The following KCTD17 variants were observed in gnomAD, a reference collection of about 807,000 sequenced individuals.
KCTD17 encodes potassium channel tetramerization domain containing 17.
A neutral mutation model predicts 41.5 loss-of-function variants in KCTD17; 20 were observed. That is an observed-to-expected ratio of 0.48 (90% CI 0.34 to 0.70). The LOEUF (loss-of-function observed/expected upper bound fraction) is 0.70, where lower values mean the gene tolerates loss of function less well. Ranked by LOEUF, KCTD17 falls within the 30% of genes least tolerant of loss-of-function variation. The pLI is 0.01. For synonymous variants in KCTD17, 156 were observed against 173.8 expected (o/e 0.90, Z 0.80); for missense variants, 317 against 427.2 (o/e 0.74, Z 2.27).
Position 37,061,163 on chromosome 22 carries a change from C to A in KCTD17, c.772C>A (p.Leu258Ile), listed in dbSNP as rs1426975628. 3 of 1,550,858 alleles carry A rather than the reference C, an allele frequency of 1.9e-6. No individual in the cohort carries two copies. Among genetic ancestry groups the A allele is most frequent in the Non-Finnish European group, 1.7e-6 (2 of 1,146,678 alleles). The change falls in exon 7 of 9, where the codon CTT becomes ATT. Residue 258 changes from leucine (L) to isoleucine (I), a missense_variant. Leu to Ile is a conservative substitution (Grantham distance 5, BLOSUM62 2). Coordinates refer to ENST00000403888, the MANE Select transcript of KCTD17 (RefSeq NM_001282684.2). The surrounding 1 kb of genome is among the most constrained non-coding windows in gnomAD (Gnocchi z 6.6). ...FSLPPLPPPP[L>I]PAGGSRPHPL... Reference sequence around the variant, plus strand: ...CCTCCCACCACTGCCTCCTCCTCCGCTTCCCGCTGGAGGTCCTGCCTCATC... The same window carrying A: ...CCTCCCACCACTGCCTCCTCCTCCGATTCCCGCTGGAGGTCCTGCCTCATC...
chr22:37,062,846 T>G lies in KCTD17; in HGVS notation c.*252T>G. On this transcript the variant is annotated 3_prime_UTR_variant, in exon 9 of 9. Transcript: ENST00000403888. ...GGCACCTGCGTCCCCTCTCCCGGGC[T>G]CCCCTGCTGCATGGTGGATGTGCTC... 9 of 716,280 alleles carry G rather than the reference T, an allele frequency of 1.3e-5. No homozygotes were observed. Among genetic ancestry groups the G allele is most frequent in the Admixed American group, 3.2e-5 (1 of 31,692 alleles). 44.4% of individuals were successfully genotyped at this position (716,280 alleles called of 1,614,324 possible). A position where few individuals can be genotyped will look rare whatever the true frequency, so the allele number is the denominator to read the frequency against.
intron 1 of KCTD17, chr22:37,052,192 CG>C (rs1924572668): frequency 2.1e-6 from 1 of 485,264 alleles, no homozygotes; most frequent in East Asian, 3.6e-5. Flanking sequence ...CCAGCCGCCC[CG>C]GATCGGGGCC....
chr22:37,051,858 C>T lies in KCTD17; in HGVS notation c.98C>T (p.Thr33Met). ...TGGGTGCGGCTCAACGTGGGGGGCA[C>T]GGTGTTCCTGACCACCCGGCAGACG... is the stretch of plus-strand genomic sequence containing the variant. ...GKWVRLNVGG[T>M]VFLTTRQTLC... is the part of the protein sequence containing the mutation. Residue 33 changes from threonine (T) to methionine (M), a missense_variant, in exon 1 of 9, where the codon ACG (threonine) becomes ATG (methionine). By Grantham distance (81) the Thr-to-Met change is moderately conservative. Around this residue, in one of 4 missense-constraint regions of KCTD17, gnomAD observed 99 missense variants for 166.5 expected, o/e 0.59. Coordinates refer to ENST00000403888, the MANE Select transcript of KCTD17 (RefSeq NM_001282684.2). The T allele has an allele frequency of 3.4e-6, 5 of 1,476,090 alleles. No homozygotes were observed. Among genetic ancestry groups the T allele is most frequent in the Non-Finnish European group, 3.6e-6 (4 of 1,113,270 alleles). 91.4% of individuals were successfully genotyped at this position (1,476,090 alleles called of 1,614,324 possible). A position where few individuals can be genotyped will look rare whatever the true frequency, so the allele number is the denominator to read the frequency against.
chr22:37,052,360 G>A (rs1924593550), intron 1 of KCTD17: 4 of 370,366 alleles, frequency 1.1e-5, no homozygotes, highest in Admixed American at 9.8e-5. Flanking sequence ...CTGGATGGAG[G>A]AGCCCTGGGG....
Position 37,051,800 on chromosome 22 carries a change from GC to G in KCTD17, c.41del (p.Ala14GlyfsTer23). The G allele has an allele frequency of 7.9e-7, 1 of 1,263,422 alleles. No homozygotes were observed. The highest frequency in any genetic ancestry group is 9.9e-7 in the Non-Finnish European group (1 of 1,005,380). 78.3% of individuals were successfully genotyped at this position (1,263,422 alleles called of 1,614,324 possible). On this transcript the variant is annotated frameshift_variant, in exon 1 of 9. Transcript: ENST00000403888. LOFTEE classifies it high-confidence loss of function. Reference protein sequence around the residue: ...EAGEAAPPAGAGGRAAGGWGK... With the variant: ...EAGEAAPPAGXGGRAAGGWGK... ...CGGGGAGGCAGCGCCGCCGGCGGGG[GC>G]GGGCGGCCGCGCCGCAGGCGGCTGG...
At chr22:37,054,011 G>A (rs1304273142) in intron 2 of KCTD17, among the ~76,000 whole-genome samples, 1 of 152,192 alleles carries the variant, frequency 6.6e-6, no homozygotes, top group Non-Finnish European at 1.5e-5. Context: ...TTCAATGGGG[G>A]CGGTGATCTG....
intron 4 of KCTD17, 113 bp from the exon 5 acceptor site, chr22:37,059,200 G>T (rs6000545): frequency 6.8e-7 from 1 of 1,472,744 alleles, no homozygotes; most frequent in Non-Finnish European, 9.3e-7. Context: ...CCGACAAGCC[G>T]CAAGATTAGG....
In KCTD17 at chr22:37,053,167, G is replaced by A. The variant is rs1333190244; in HGVS notation, c.257G>A (p.Arg86Gln). ...TYFGPILNFLRHGKLVLDKDM... is the reference protein window; with the variant it reads ...TYFGPILNFLQHGKLVLDKDM... Reference sequence around the variant, plus strand: ...TTCGGGCCCATCCTGAACTTCCTCCGGCATGGCAAGCTGGTGCTGGACAAG... The same window carrying A: ...TTCGGGCCCATCCTGAACTTCCTCCAGCATGGCAAGCTGGTGCTGGACAAG... The change falls in exon 2 of 9, where the codon CGG (arginine) becomes CAG (glutamine). Residue 86 changes from arginine (R) to glutamine (Q), a missense_variant. By Grantham distance (43) the Arg-to-Gln change is conservative. Around this residue, in one of 4 missense-constraint regions of KCTD17, gnomAD observed 99 missense variants for 166.5 expected, o/e 0.59. Transcript: ENST00000403888. This position sits in a 1 kb window ranked among gnomAD's most constrained non-coding sequence, Gnocchi z 4.1. 5.0e-6 allele frequency: 8 copies of A among 1,606,190 alleles called. No homozygotes were observed. The highest frequency in any genetic ancestry group is 3.4e-5 in the Admixed American group (2 of 59,096).
At chr22:37,062,276 T>TG (rs1925881678) in intron 8 of KCTD17, 1 of 984,800 alleles carries the variant, frequency 1.0e-6, no homozygotes. Flanking sequence ...AGACGGGGCA[T>TG]GGGGCTCCTG....
intron 4 of KCTD17, among the ~76,000 whole-genome samples, chr22:37,058,741 G>A (rs574092484): frequency 9.2e-5 from 14 of 152,342 alleles, no homozygotes; most frequent in African/African-American, 3.4e-4. Flanking sequence ...GCCACTCTGA[G>A]AGCCTCTGGG....
chr22:37,056,858 G>A (rs566351841), intron 3 of KCTD17, among the ~76,000 whole-genome samples: 56 of 152,272 alleles, frequency 3.7e-4, no homozygotes, highest in Non-Finnish European at 7.2e-4. Flanking sequence ...TGGGGCTGGC[G>A]TTTGTGACCT....
intron 1 of KCTD17, chr22:37,052,437 CCTGACTCTG>C (rs1421407453): frequency 2.3e-6 from 1 of 438,114 alleles, no homozygotes; most frequent in Non-Finnish European, 4.7e-6. Flanking sequence ...GAGCACCCAC[CCTGACTCTG>C]CTGCACACTG....
Position 37,062,948 on chromosome 22 carries a change from G to T in KCTD17, c.*354G>T, listed in dbSNP as rs1366230874. ...CCTCCCACCCCACCTACCTCACAGG[G>T]TTGTTGTGAGGGTGCACAGAGGAGC... On this transcript the variant is annotated 3_prime_UTR_variant, in exon 9 of 9. Coordinates refer to ENST00000403888, the MANE Select transcript of KCTD17 (RefSeq NM_001282684.2). The T allele has an allele frequency of 1.3e-5, 4 of 314,404 alleles. 1 individual carries two copies. In the South Asian group the frequency reaches 1.4e-4, roughly 11 times the overall value. The allele number at this position is 314,404 out of a possible 1,614,324, so 19.5% of individuals were successfully genotyped here. A position where few individuals can be genotyped will look rare whatever the true frequency, so the allele number is the denominator to read the frequency against.
Position 37,051,822 on chromosome 22 carries a change from G to T in KCTD17, c.62G>T (p.Gly21Val). The change falls in exon 1 of 9, where the codon GGC becomes GTC. Residue 21 changes from glycine (G) to valine (V), a missense_variant. By Grantham distance (109) the Gly-to-Val change is moderately radical. This residue lies in a region of KCTD17 where 99 missense variants were observed against 166.5 expected (regional missense o/e 0.59). Coordinates refer to ENST00000403888, the MANE Select transcript of KCTD17 (RefSeq NM_001282684.2). ...GGGGCGGGCGGCCGCGCCGCAGGCG[G>T]CTGGGGCAAGTGGGTGCGGCTCAAC... ...PAGAGGRAAG[G>V]WGKWVRLNVG... 1.5e-6 allele frequency: 2 copies of T among 1,336,294 alleles called. No individual in the cohort carries two copies. The highest frequency in any genetic ancestry group is 1.9e-6 in the Non-Finnish European group (2 of 1,039,522). The allele number at this position is 1,336,294 out of a possible 1,614,324, so 82.8% of individuals were successfully genotyped here. A position where few individuals can be genotyped will look rare whatever the true frequency, so the allele number is the denominator to read the frequency against.
chr22:37,054,564 A>T (rs1009677251), intron 2 of KCTD17, among the ~76,000 whole-genome samples: 3 of 152,032 alleles, frequency 2.0e-5, no homozygotes, highest in Non-Finnish European at 2.9e-5. Flanking sequence ...GGGATAGGGG[A>T]TCTGAGAGGA....
In KCTD17 at chr22:37,057,412, C is replaced by T. The variant is rs710185; in HGVS notation, c.405C>T (p.His135=). Residue 135 remains histidine (H), a synonymous_variant, in exon 4 of 9, where the codon CAC becomes CAT. Coordinates refer to ENST00000403888, the MANE Select transcript of KCTD17 (RefSeq NM_001282684.2). Reference sequence around the variant, plus strand: ...TCTGCCCACAGGTCCCACCCAAGCACGTGTACCGCGTGCTGCAGTGCCAGG... The same window carrying T: ...TCTGCCCACAGGTCCCACCCAAGCATGTGTACCGCGTGCTGCAGTGCCAGG... ...DYTVTQVPPK[H]VYRVLQCQEE... 0.86 allele frequency: 1,388,229 copies of T among 1,612,990 alleles called. 599,735 individuals are homozygous for T. The highest frequency in any genetic ancestry group is 1 in the East Asian group (44,791 of 44,868).
chr22:37,052,075 CG>C (rs1445043788), intron 1 of KCTD17, 126 bp downstream of exon 1: 1 of 648,388 alleles, frequency 1.5e-6, no homozygotes, highest in African/African-American at 2.0e-5. Context: ...GAACTGGAGG[CG>C]GGAAGAAGCG....
chr22:37,062,100 C>G (rs2146000958), intron 8 of KCTD17: 1 of 981,694 alleles, frequency 1.0e-6, no homozygotes, highest in East Asian at 1.1e-4. Context: ...AAGTCACTGT[C>G]CCTCTCTGGG....
At chr22:37,055,263 C>T (rs1924967701) in intron 2 of KCTD17, 1 of 152,202 alleles carries the variant, frequency 6.6e-6, no homozygotes, top group African/African-American at 2.4e-5. Flanking sequence ...AGGAAGGGGA[C>T]ACACATCTAG....
Sources: gnomAD v4.1 joint callset for allele counts (sites outside exome capture counted in the v4.1 genomes callset) on GRCh38, gnomAD v4.1.1 for gene constraint, gnomAD v4.1.1 regional missense constraint, Gnocchi (gnomAD v3.1) non-coding constraint, MANE v1.5 for transcripts, NCBI Gene and HGNC (gene_info 2026-07-23, HGNC 2026-07-21) for gene names.